The following DLG2 variants were observed in gnomAD, a reference collection of about 807,000 sequenced individuals.
DLG2 encodes disks large homolog 2.
A neutral mutation model predicts 132.5 loss-of-function variants in DLG2; 45 were observed. The observed-to-expected ratio is 0.34, with a 90% CI of 0.27 to 0.44. DLG2 has a LOEUF of 0.44. DLG2 is among the 20% of genes least tolerant of loss of function. The pLI is 1.00. For synonymous variants in DLG2, 424 were observed against 419.6 expected, an observed-to-expected ratio of 1.01 and a Z score of -0.13; for missense variants, 1,045 against 1,196.9, an observed-to-expected ratio of 0.87 and a Z score of 1.87.
chr11:84,672,981 G>A (rs2099707541), intron 6 of DLG2, among the ~76,000 whole-genome samples: 1 of 151,990 alleles, frequency 6.6e-6, no homozygotes, highest in Non-Finnish European at 1.5e-5. Context: ...ACGGTGTGTT[G>A]GGGGGTAGGT....
At chr11:84,037,523 TA>T (rs1331716979) in intron 11 of DLG2, among the ~76,000 whole-genome samples, 2 of 152,104 alleles carry the variant, frequency 1.3e-5, no homozygotes, top group East Asian at 1.9e-4. Context: ...GACTTAAATG[TA>T]AAAAACTGTA....
intron 6 of DLG2, among the ~76,000 whole-genome samples, chr11:84,986,945 C>T (rs891521904): frequency 2.6e-5 from 4 of 152,100 alleles, no homozygotes; most frequent in Non-Finnish European, 4.4e-5. Context: ...TACAGAGCAT[C>T]CAAATTAGTA....
chr11:85,602,529 G>C (rs944994275), intron 2 of DLG2, among the ~76,000 whole-genome samples: 4 of 152,032 alleles, frequency 2.6e-5, no homozygotes, highest in Admixed American at 6.6e-5. Flanking sequence ...AGGCTCAAGT[G>C]ATCCTCCCAA....
chr11:85,123,846 A>G (rs1039876498), intron 5 of DLG2, among the ~76,000 whole-genome samples: 25 of 152,206 alleles, frequency 1.6e-4, no homozygotes, highest in African/African-American at 6.0e-4. Flanking sequence ...TAGGCTTTTG[A>G]ATCTGGTACT....
intron 4 of DLG2, among the ~76,000 whole-genome samples, chr11:85,174,615 C>T (rs2079092649): frequency 6.6e-6 from 1 of 152,008 alleles, no homozygotes. Flanking sequence ...TAACCAAGAT[C>T]AGAGTGGAAC....
chr11:85,471,811 T>C (rs1314148789), intron 3 of DLG2, among the ~76,000 whole-genome samples: 3 of 151,974 alleles, frequency 2.0e-5, no homozygotes, highest in South Asian at 2.1e-4. Context: ...TTTTTAATAA[T>C]TGATAAAAAG....
chr11:85,191,460 G>C (rs2080566812), intron 4 of DLG2, among the ~76,000 whole-genome samples: 1 of 151,830 alleles, frequency 6.6e-6, no homozygotes, highest in Admixed American at 6.6e-5. Flanking sequence ...CACAACTCAA[G>C]ATCTATGGAA....
At chr11:84,033,104 C>T (rs770930286) in intron 11 of DLG2, among the ~76,000 whole-genome samples, 5 of 152,170 alleles carry the variant, frequency 3.3e-5, no homozygotes, top group Non-Finnish European at 7.3e-5. Context: ...ATCCATTCTA[C>T]AGCCCATGGA....
At chr11:83,531,147 A>G (rs1165488385) in intron 21 of DLG2, among the ~76,000 whole-genome samples, 1 of 150,462 alleles carries the variant, frequency 6.6e-6, no homozygotes, top group Admixed American at 6.7e-5. Flanking sequence ...AACAAAAGAA[A>G]AAATACACAC....
chr11:85,584,875 T>C (rs967325934), intron 3 of DLG2, among the ~76,000 whole-genome samples: 3 of 152,170 alleles, frequency 2.0e-5, no homozygotes, highest in African/African-American at 7.2e-5. Context: ...TGATTTGTTT[T>C]CATTCCCTGT....
intron 11 of DLG2, among the ~76,000 whole-genome samples, chr11:84,045,904 G>A (rs549431811): frequency 2.0e-5 from 3 of 151,626 alleles, no homozygotes; most frequent in Non-Finnish European, 3.0e-5. Context: ...AGAGTTGTCC[G>A]CTGTAGCCGT....
chr11:85,582,920 C>T (rs988459045), intron 3 of DLG2, among the ~76,000 whole-genome samples: 2 of 147,984 alleles, frequency 1.4e-5, no homozygotes, highest in Non-Finnish European at 3.0e-5. Flanking sequence ...TTAGATGATT[C>T]AATTTGCAAA....
At chr11:83,743,445 T>TC (rs2092684966) in intron 18 of DLG2, among the ~76,000 whole-genome samples, 1 of 141,864 alleles carries the variant, frequency 7.0e-6, no homozygotes, top group African/African-American at 2.8e-5. Context: ...TTTTTTTTTT[T>TC]TTTTATGACA....
chr11:83,893,641 A>G (rs2070684053), intron 15 of DLG2, among the ~76,000 whole-genome samples: 1 of 152,144 alleles, frequency 6.6e-6, no homozygotes, highest in African/African-American at 2.4e-5. Context: ...CACGGAAATT[A>G]TCTGTTTATT....
intron 18 of DLG2, among the ~76,000 whole-genome samples, chr11:83,652,477 T>A (rs2070868706): frequency 6.6e-6 from 1 of 152,142 alleles, no homozygotes; most frequent in Non-Finnish European, 1.5e-5. Context: ...TTCAAGCGTT[T>A]CTCCCACCAA....
chr11:84,666,974 C>T (rs907488600), intron 6 of DLG2, among the ~76,000 whole-genome samples: 6 of 152,062 alleles, frequency 3.9e-5, no homozygotes, highest in Non-Finnish European at 8.8e-5. Flanking sequence ...GTTGTCCTAT[C>T]TACATATCCC....
intron 18 of DLG2, among the ~76,000 whole-genome samples, chr11:83,767,042 C>T (rs199522952): frequency 1.3e-5 from 2 of 152,238 alleles, no homozygotes; most frequent in East Asian, 3.9e-4. Context: ...TATCAAAAGG[C>T]CCTTGTGATT....
intron 19 of DLG2, among the ~76,000 whole-genome samples, chr11:83,553,899 CTT>C (rs754561291): frequency 4.5e-5 from 5 of 111,158 alleles, no homozygotes; most frequent in Non-Finnish European, 5.6e-5. Flanking sequence ...CTTTTTTTTT[CTT>C]TTTTTTTTTT....
intron 5 of DLG2, among the ~76,000 whole-genome samples, chr11:85,151,374 T>A (rs1016289772): frequency 1.2e-5 from 1 of 85,078 alleles, no homozygotes; most frequent in Non-Finnish European, 2.2e-5. Flanking sequence ...TTTGATGCAG[T>A]ACAATTTGTT....
Sources: gnomAD v4.1 joint callset for allele counts (sites outside exome capture counted in the v4.1 genomes callset) on GRCh38, gnomAD v4.1.1 for gene constraint, MANE v1.5 for transcripts, NCBI Gene and HGNC (gene_info 2026-07-23, HGNC 2026-07-21) for gene names.